Variants in PPARG observed in about 807,000 individuals in gnomAD.
PPARG encodes the protein peroxisome proliferator activated receptor gamma.
In PPARG, 17 loss-of-function variants were observed where a neutral mutation model predicts 39.2. The ratio of observed to expected loss-of-function variants is 0.43; its 90% CI spans 0.30 to 0.65. PPARG has a LOEUF of 0.65. PPARG is among the 30% of genes least tolerant of loss of function. The pLI is 0.13. For synonymous variants in PPARG, 223 were observed against 215.7 expected (o/e 1.03, Z -0.30); for missense variants, 406 against 585.9 (o/e 0.69, Z 3.17).
intron 2 of PPARG, among the ~76,000 whole-genome samples, chr3:12,341,864 A>G (rs191533519): frequency 9.2e-5 from 14 of 152,272 alleles, no homozygotes; most frequent in African/African-American, 3.1e-4. Context: ...TGGAATTAGA[A>G]AAACATTTCA....
At chr3:12,311,276 C>T (rs2047235571) in intron 1 of PPARG, among the ~76,000 whole-genome samples, 1 of 151,906 alleles carries the variant, frequency 6.6e-6, no homozygotes, top group African/African-American at 2.4e-5. Context: ...GCTAATTTTT[C>T]TGTTTTTTGT....
intron 1 of PPARG, among the ~76,000 whole-genome samples, chr3:12,302,426 A>G (rs1358669797): frequency 6.6e-6 from 1 of 152,234 alleles, no homozygotes; most frequent in African/African-American, 2.4e-5. Flanking sequence ...TTTTGGAACT[A>G]CACAGAAGTG....
chr3:12,419,841 A>G (rs2051203524), intron 7 of PPARG, among the ~76,000 whole-genome samples: 1 of 152,118 alleles, frequency 6.6e-6, no homozygotes, highest in African/African-American at 2.4e-5. Context: ...ATTTATTTCA[A>G]ATATTTTTCC....
intron 2 of PPARG, among the ~76,000 whole-genome samples, chr3:12,376,074 C>T (rs1223733165): frequency 6.6e-6 from 1 of 151,944 alleles, no homozygotes. Context: ...CTCAGCTTCC[C>T]GAGTAGCTGG....
At chr3:12,397,601 G>A (rs1205189275) in intron 5 of PPARG, among the ~76,000 whole-genome samples, 4 of 151,464 alleles carry the variant, frequency 2.6e-5, no homozygotes, top group African/African-American at 4.9e-5. Context: ...TAGTAGAGAC[G>A]GGGTTTCACC....
chr3:12,367,773 CT>C (rs2049065146), intron 2 of PPARG, among the ~76,000 whole-genome samples: 1 of 151,780 alleles, frequency 6.6e-6, no homozygotes, highest in African/African-American at 2.4e-5. Context: ...ACTTGGAAGG[CT>C]GAAGTGGAAG....
At chr3:12,295,562 G>A (rs2046759457) in intron 1 of PPARG, among the ~76,000 whole-genome samples, 1 of 149,112 alleles carries the variant, frequency 6.7e-6, no homozygotes, top group Non-Finnish European at 1.5e-5. Context: ...TGCCCAGGTT[G>A]GAGTGCAATG....
intron 7 of PPARG, among the ~76,000 whole-genome samples, chr3:12,423,605 T>C (rs1048048334): frequency 3.3e-5 from 5 of 152,220 alleles, no homozygotes; most frequent in Non-Finnish European, 7.4e-5. Context: ...CACCCCCTCT[T>C]CATCTGCTAG....
At chr3:12,379,078 C>T (rs2049524091) in intron 2 of PPARG, among the ~76,000 whole-genome samples, 1 of 151,796 alleles carries the variant, frequency 6.6e-6, no homozygotes, top group Admixed American at 6.6e-5. Context: ...GTGATCTCAC[C>T]TTACTGCTAC....
chr3:12,317,078 T>C (rs1332928191), intron 2 of PPARG, among the ~76,000 whole-genome samples: 1 of 152,140 alleles, frequency 6.6e-6, no homozygotes, highest in Non-Finnish European at 1.5e-5. Flanking sequence ...GACACAACGA[T>C]CTTTATCATT....
chr3:12,373,458 A>G (rs1454400136), intron 2 of PPARG, among the ~76,000 whole-genome samples: 1 of 152,206 alleles, frequency 6.6e-6, no homozygotes, highest in Non-Finnish European at 1.5e-5. Context: ...AAAAAACTGA[A>G]TATACATCGT....
chr3:12,313,776 T>C (rs1031661806), intron 2 of PPARG, among the ~76,000 whole-genome samples: 1 of 152,134 alleles, frequency 6.6e-6, no homozygotes, highest in Non-Finnish European at 1.5e-5. Flanking sequence ...ACGTATAATA[T>C]TGAATTATAA....
chr3:12,379,575 T>C (rs903907353), intron 2 of PPARG, 129 bp from the exon 3 acceptor site: 1 of 816,022 alleles, frequency 1.2e-6, no homozygotes, highest in Non-Finnish European at 2.0e-6. Context: ...TTATGTTCTT[T>C]TCTGTTGTTG....
chr3:12,409,508 T>C (rs2050799025), intron 6 of PPARG, among the ~76,000 whole-genome samples: 1 of 152,188 alleles, frequency 6.6e-6, no homozygotes, highest in African/African-American at 2.4e-5. Context: ...AGCATCTATC[T>C]CAGGGGTATT....
rs538012520 is a variant in PPARG, at chr3:12,431,960, G to A, written c.1181-1938G>A. 5.3e-5 allele frequency among the ~76,000 whole-genome samples: 8 copies of A among 151,980 alleles called. No homozygotes were observed. The South Asian group carries it at 8.3e-4, about 16-fold the overall frequency. On this transcript the variant is annotated intron_variant, in intron 7 of 7. Transcript: ENST00000651735. ...AAAAAAAAGCGTTAAGTTAAGGAGC[G>A]TGAATAAAAATAATACATTTCATAT...
intron 2 of PPARG, among the ~76,000 whole-genome samples, chr3:12,363,346 A>G (rs143293329): frequency 1.6e-4 from 24 of 152,344 alleles, no homozygotes; most frequent in Non-Finnish European, 2.1e-4. Context: ...AAATCTTCAA[A>G]TCAGCTCATA....
chr3:12,404,478 G>A (rs756576767), intron 5 of PPARG, among the ~76,000 whole-genome samples: 3 of 152,176 alleles, frequency 2.0e-5, no homozygotes, highest in Non-Finnish European at 4.4e-5. Flanking sequence ...TCTCATGGTA[G>A]AAATGCTACC....
chr3:12,357,209 C>T lies in PPARG; in HGVS notation c.-8-22495C>T, dbSNP rs116404274. On this transcript the variant is annotated intron_variant, in intron 2 of 7. Transcript: ENST00000651735. ...CCACCCATAGCCCTGCAGTGGTTCC[C>T]CATTTCACTTGTAACAAAAGTCCAA... 1.5e-3 allele frequency among the ~76,000 whole-genome samples: 228 copies of T among 152,162 alleles called. 1 individual carries two copies. The highest frequency in any genetic ancestry group is 5.3e-3 in the African/African-American group (219 of 41,524).
chr3:12,374,744 T>C (rs1331275572), intron 2 of PPARG, among the ~76,000 whole-genome samples: 2 of 152,082 alleles, frequency 1.3e-5, no homozygotes, highest in African/African-American at 4.8e-5. Context: ...AAGGTGTTAG[T>C]AATAGGGGAA....
Sources: allele counts gnomAD v4.1 joint callset (sites outside exome capture counted in the v4.1 genomes callset), GRCh38; gene constraint gnomAD v4.1.1; transcripts MANE v1.5; gene names NCBI Gene and HGNC (gene_info 2026-07-23, HGNC 2026-07-21).